Variants in CDKN1C observed in about 807,000 individuals in gnomAD.
CDKN1C encodes cyclin-dependent kinase inhibitor 1C.
CDKN1C carries 7 observed loss-of-function variants against 16.5 expected under a neutral mutation model. The observed-to-expected ratio is 0.42, with a 90% CI of 0.24 to 0.80. The LOEUF (loss-of-function observed/expected upper bound fraction) is 0.80. CDKN1C is among the 30% of genes least tolerant of loss of function. The pLI, the probability that CDKN1C is intolerant of heterozygous loss-of-function variation, is 0.26. For synonymous variants in CDKN1C, 288 were observed against 214.4 expected (o/e 1.34, Z -3.00); for missense variants, 429 against 437.3 (o/e 0.98, Z 0.17).
chr11:2,884,960 ACCGCGACCGCGACCGGAG>A lies in CDKN1C; in HGVS notation c.479_496del (p.Ala160_Ala165del), dbSNP rs1064792992. 1 of 1,003,096 alleles carries A rather than the reference ACCGCGACCGCGACCGGAG, an allele frequency of 1.0e-6. No homozygotes were observed. 62.1% of individuals were successfully genotyped at this position (1,003,096 alleles called of 1,614,324 possible). On this transcript the variant is annotated inframe_deletion, in exon 2 of 4. Coordinates refer to ENST00000440480, the MANE Select transcript of CDKN1C (RefSeq NM_001122630.2). ...AGCCGGGGCCGGGGCCGGGGCCAGG[ACCGCGACCGCGACCGGAG>A]CCGCGACCGGAGCCGCGACCGGAGC...
rs775458829 is a variant in CDKN1C, at chr11:2,884,704, C to A, written c.753G>T (p.Ala251=). The A allele has an allele frequency of 1.3e-6, 2 of 1,492,892 alleles. No homozygotes were observed. The highest frequency in any genetic ancestry group is 2.1e-5 in the Admixed American group (1 of 48,166). The allele number at this position is 1,492,892 out of a possible 1,614,324, so 92.5% of individuals were successfully genotyped here. The change falls in exon 2 of 4, where the codon GCG becomes GCT. Residue 251 remains alanine, a synonymous_variant. Transcript: ENST00000440480. ...AGTAAASANG[A]AIKKLSGPLI... ...GAGGCCCGGACAGCTTCTTGATCGCCGCGCCGTTGGCGCTGGCGGCCGCGG... is the reference window on the plus strand; with the variant it reads ...GAGGCCCGGACAGCTTCTTGATCGCAGCGCCGTTGGCGCTGGCGGCCGCGG...
rs2133784827 is a variant in CDKN1C, at chr11:2,885,065, G to A, written c.392C>T (p.Pro131Leu). The A allele has an allele frequency of 1.5e-6, 2 of 1,357,340 alleles. No homozygotes were observed. The highest frequency in any genetic ancestry group is 1.8e-5 in the South Asian group (1 of 55,762). The allele number at this position is 1,357,340 out of a possible 1,614,324, so 84.1% of individuals were successfully genotyped here. The change falls in exon 2 of 4, where the codon CCG (proline) becomes CTG (leucine). Residue 131 changes from proline (P) to leucine (L), a missense_variant. Transcript: ENST00000440480. ...APEQLPSVPV[P>L]APASTPPPVP... ...TGGGGGCGGGGTGGACGCCGGGGCCGGGACCGGGACACTAGGCAGCTGCTC... is the reference window on the plus strand; with the variant it reads ...TGGGGGCGGGGTGGACGCCGGGGCCAGGACCGGGACACTAGGCAGCTGCTC...
rs1564929680 is a variant in CDKN1C, at chr11:2,884,864, G to C, written c.593C>G (p.Ala198Gly). The change falls in exon 2 of 4, where the codon GCC (alanine) becomes GGC (glycine). Residue 198 changes from alanine to glycine, a missense_variant. By Grantham distance (60) the Ala-to-Gly change is moderately conservative (BLOSUM62 0). Coordinates refer to ENST00000440480, the MANE Select transcript of CDKN1C (RefSeq NM_001122630.2). ...GTCCGGGGCCGGGGCCGGGGCGGGG[G>C]CCGGGGCCGGGGCCGGGGCCGGGGC... The part of the protein sequence containing the change: ...APAPAPAPAP[A>G]PAPAPAPDAA... 2 of 779,126 alleles carry C rather than the reference G, an allele frequency of 2.6e-6. No homozygotes were observed. Among genetic ancestry groups the C allele is most frequent in the Non-Finnish European group, 3.1e-6 (2 of 635,170 alleles). The allele number at this position is 779,126 out of a possible 1,614,324, so 48.3% of individuals were successfully genotyped here. A position where few individuals can be genotyped will look rare whatever the true frequency, so the allele number is the denominator to read the frequency against.
Position 2,884,729 on chromosome 11 carries a change from G to A in CDKN1C, c.728C>T (p.Thr243Ile), listed in dbSNP as rs1247486281. The change falls in exon 2 of 4, where the codon ACC (threonine) becomes ATC (isoleucine). Residue 243 changes from threonine to isoleucine, a missense_variant. Physicochemically the swap from Thr to Ile is moderately conservative, Grantham distance 89. Coordinates refer to ENST00000440480, the MANE Select transcript of CDKN1C (RefSeq NM_001122630.2). ...SGISGRPAAG[T>I]AAASANGAAI... ...CGCGCCGTTGGCGCTGGCGGCCGCG[G>A]TGCCGGCCGCGGGACGTCCCGAAAT... 2.7e-6 allele frequency: 4 copies of A among 1,507,902 alleles called. No homozygotes were observed. Among genetic ancestry groups the A allele is most frequent in the Non-Finnish European group, 3.5e-6 (4 of 1,132,524 alleles). The allele number at this position is 1,507,902 out of a possible 1,614,324, so 93.4% of individuals were successfully genotyped here.
Position 2,883,825 on chromosome 11 carries a change from T to A in CDKN1C, c.*96A>T, listed in dbSNP as rs1848861835. On this transcript the variant is annotated 3_prime_UTR_variant, in exon 4 of 4. Transcript: ENST00000440480. ...CTGCTCTGCGGCAGCCGCCGCCGGT[T>A]GCTGCTACATGAACGGTCCCAGCCG... is the stretch of plus-strand genomic sequence containing the variant. The A allele has an allele frequency of 3.3e-6, 5 of 1,528,538 alleles. No individual in the cohort carries two copies. The highest frequency in any genetic ancestry group is 3.5e-6 in the Non-Finnish European group (4 of 1,141,448). 94.7% of individuals were successfully genotyped at this position (1,528,538 alleles called of 1,614,324 possible). A position where few individuals can be genotyped will look rare whatever the true frequency, so the allele number is the denominator to read the frequency against.
At chr11:2,884,518 G>T (rs1342673408) in intron 2 of CDKN1C, 152 bp downstream of exon 2, 8 of 387,180 alleles carry the variant, frequency 2.1e-5, no homozygotes, top group Non-Finnish European at 3.5e-5. Flanking sequence ...GCGGGGAGGG[G>T]GGTAAGGGCG....
chr11:2,884,802 G>C lies in CDKN1C; in HGVS notation c.655C>G (p.Gln219Glu). 9 of 1,464,020 alleles carry C rather than the reference G, an allele frequency of 6.1e-6. No homozygotes were observed. The highest frequency in any genetic ancestry group is 8.1e-6 in the Non-Finnish European group (9 of 1,106,228). The allele number at this position is 1,464,020 out of a possible 1,614,324, so 90.7% of individuals were successfully genotyped here. Residue 219 changes from glutamine (Q) to glutamate (E), a missense_variant, in exon 2 of 4, where the codon CAG (glutamine) becomes GAG (glutamate). Coordinates refer to ENST00000440480, the MANE Select transcript of CDKN1C (RefSeq NM_001122630.2). The part of the protein sequence containing the change: ...PQESAEQGAN[Q>E]GQRGQEPLAD... Reference sequence around the variant, plus strand: ...AGAGGCTCCTGGCCGCGCTGCCCCTGGTTCGCGCCCTGCTCGGCGCTCTCT... The same window carrying C: ...AGAGGCTCCTGGCCGCGCTGCCCCTCGTTCGCGCCCTGCTCGGCGCTCTCT...
chr11:2,883,562 A>AGTAT lies in CDKN1C; in HGVS notation c.*355_*358dup, dbSNP rs1848852147. The stretch of plus-strand genomic sequence containing the variant: ...TGGACATAAATAGAAAATATAAGTT[A>AGTAT]GTATAACTTTAAAAACTTTTTGTAC... On this transcript the variant is annotated 3_prime_UTR_variant, in exon 4 of 4. Coordinates refer to ENST00000440480, the MANE Select transcript of CDKN1C (RefSeq NM_001122630.2). 2.4e-6 allele frequency: 1 copy of AGTAT among 414,312 alleles called. No homozygotes were observed. Among genetic ancestry groups the AGTAT allele is most frequent in the African/African-American group, 2.1e-5 (1 of 48,364 alleles). The allele number at this position is 414,312 out of a possible 1,614,324, so 25.7% of individuals were successfully genotyped here. A position where few individuals can be genotyped will look rare whatever the true frequency, so the allele number is the denominator to read the frequency against.
chr11:2,885,610 G>T, intron 1 of CDKN1C, 24 bp downstream of exon 1: 3 of 1,252,166 alleles, frequency 2.4e-6, no homozygotes, highest in Non-Finnish European at 3.3e-6. Flanking sequence ...CCGACTCTGC[G>T]TGTGCGAGGG....
At position 2,885,313 on chromosome 11, in the gene CDKN1C, G is replaced by A; in HGVS notation, c.144C>T (p.Asn48=). The A allele has an allele frequency of 6.3e-7, 1 of 1,599,912 alleles. No homozygotes were observed. Among genetic ancestry groups the A allele is most frequent in the South Asian group, 1.1e-5 (1 of 88,916 alleles). The stretch of plus-strand genomic sequence containing the variant: ...CCTGCTGGAAGTCGTAATCCCAGCG[G>A]TTCTGGTCCTCGGCGTTCAGCTCGG... ...RLAELNAEDQ[N]RWDYDFQQDM... Residue 48 remains asparagine (N), a synonymous_variant, in exon 2 of 4, where the codon AAC becomes AAT. Coordinates refer to ENST00000440480, the MANE Select transcript of CDKN1C (RefSeq NM_001122630.2).
intron 1 of CDKN1C, 74 bp from the exon 2 acceptor site, chr11:2,885,540 A>G: frequency 6.5e-7 from 1 of 1,534,450 alleles, no homozygotes; most frequent in Non-Finnish European, 8.7e-7. Flanking sequence ...GACAGCGAGA[A>G]GAAGGGGAAA....
Position 2,884,846 on chromosome 11 carries a change from G to A in CDKN1C, c.611C>T (p.Ala204Val), listed in dbSNP as rs1060500176. The change falls in exon 2 of 4, where the codon GCC becomes GTC. Residue 204 changes from alanine (A) to valine (V), a missense_variant. Coordinates refer to ENST00000440480, the MANE Select transcript of CDKN1C (RefSeq NM_001122630.2). ...APAPAPAPAPAPDAAPQESAE... is the reference protein window; with the variant it reads ...APAPAPAPAPVPDAAPQESAE... The stretch of plus-strand genomic sequence containing the variant: ...GCTCTCTTGAGGCGCCGCGTCCGGG[G>A]CCGGGGCCGGGGCGGGGGCCGGGGC... 8.7e-7 allele frequency: 1 copy of A among 1,151,906 alleles called. No individual in the cohort carries two copies. The highest frequency in any genetic ancestry group is 1.1e-6 in the Non-Finnish European group (1 of 934,346). 71.4% of individuals were successfully genotyped at this position (1,151,906 alleles called of 1,614,324 possible).
chr11:2,883,920 G>A lies in CDKN1C; in HGVS notation c.*6-5C>T, dbSNP rs1484907597. 3 of 1,589,928 alleles carry A rather than the reference G, an allele frequency of 1.9e-6. No individual in the cohort carries two copies. Among genetic ancestry groups the A allele is most frequent in the Non-Finnish European group, 2.6e-6 (3 of 1,169,090 alleles). The stretch of plus-strand genomic sequence containing the variant: ...CGGGGCTCTTTGGGCTCTAAACTGC[G>A]AGGAGAGGGGCGGTCAGCAAAGCCG... On this transcript the variant is annotated splice_polypyrimidine_tract_variant and splice_region_variant and intron_variant, in intron 3 of 3. Coordinates refer to ENST00000440480, the MANE Select transcript of CDKN1C (RefSeq NM_001122630.2).
In CDKN1C at chr11:2,884,908, T is replaced by TGGAGCCGGGGCCGGAGCCGGAGCC. The variant is rs878853630; in HGVS notation, c.525_548dup (p.Ala176_Pro183dup). 9.1e-6 allele frequency: 7 copies of TGGAGCCGGGGCCGGAGCCGGAGCC among 770,014 alleles called. No homozygotes were observed. The highest frequency in any genetic ancestry group is 7.8e-6 in the Non-Finnish European group (5 of 638,076). 47.7% of individuals were successfully genotyped at this position (770,014 alleles called of 1,614,324 possible). A position where few individuals can be genotyped will look rare whatever the true frequency, so the allele number is the denominator to read the frequency against. On this transcript the variant is annotated inframe_insertion, in exon 2 of 4. Coordinates refer to ENST00000440480, the MANE Select transcript of CDKN1C (RefSeq NM_001122630.2). The stretch of plus-strand genomic sequence containing the variant: ...CCGGGGCTGGGGCCGGGGCCGCGAC[T>TGGAGCCGGGGCCGGAGCCGGAGCC]GGAGCCGGGGCCGGAGCCGGAGCCG...
intron 2 of CDKN1C, 88 bp from the exon 3 acceptor site, chr11:2,884,222 G>C (rs1848889998): frequency 9.5e-7 from 1 of 1,057,262 alleles, no homozygotes; most frequent in African/African-American, 1.7e-5. Flanking sequence ...GGCGCGGGCC[G>C]GCCGGGGTGG....
Position 2,883,667 on chromosome 11 carries a change from C to A in CDKN1C, c.*254G>T. 1 of 761,080 alleles carries A rather than the reference C, an allele frequency of 1.3e-6. No individual in the cohort carries two copies. The highest frequency in any genetic ancestry group is 1.8e-6 in the Non-Finnish European group (1 of 549,582). The allele number at this position is 761,080 out of a possible 1,614,324, so 47.1% of individuals were successfully genotyped here. A position where few individuals can be genotyped will look rare whatever the true frequency, so the allele number is the denominator to read the frequency against. ...GCACTGAGTTTCAGCAGAGATTAAA[C>A]ATTTTATATAAATGACTCTTAAAGC... On this transcript the variant is annotated 3_prime_UTR_variant, in exon 4 of 4. Transcript: ENST00000440480.
Position 2,884,952 on chromosome 11 carries a change from G to A in CDKN1C, c.505C>T (p.Pro169Ser). The A allele has an allele frequency of 9.7e-7, 1 of 1,031,700 alleles. No homozygotes were observed. Among genetic ancestry groups the A allele is most frequent in the Non-Finnish European group, 1.2e-6 (1 of 825,896 alleles). 63.9% of individuals were successfully genotyped at this position (1,031,700 alleles called of 1,614,324 possible). A position where few individuals can be genotyped will look rare whatever the true frequency, so the allele number is the denominator to read the frequency against. The change falls in exon 2 of 4, where the codon CCG (proline) becomes TCG (serine). Residue 169 changes from proline (P) to serine (S), a missense_variant. Physicochemically the swap from Pro to Ser is moderately conservative, Grantham distance 74 (BLOSUM62 -1). Coordinates refer to ENST00000440480, the MANE Select transcript of CDKN1C (RefSeq NM_001122630.2). Reference protein sequence around the residue: ...AAPVAVAVLAPAPAPAPAPAP... With the variant: ...AAPVAVAVLASAPAPAPAPAP... ...GGAGCCGGAGCCGGGGCCGGGGCCG[G>A]GGCCAGGACCGCGACCGCGACCGGA...
In CDKN1C at chr11:2,884,741, G is replaced by A. The variant is rs753022994; in HGVS notation, c.716C>T (p.Pro239Leu). Residue 239 changes from proline to leucine, a missense_variant, in exon 2 of 4, where the codon CCC (proline) becomes CTC (leucine). Transcript: ENST00000440480. Reference protein sequence around the residue: ...DQLHSGISGRPAAGTAAASAN... With the variant: ...DQLHSGISGRLAAGTAAASAN... The stretch of plus-strand genomic sequence containing the variant: ...GCTGGCGGCCGCGGTGCCGGCCGCG[G>A]GACGTCCCGAAATCCCCGAGTGCAG... 3.3e-6 allele frequency: 5 copies of A among 1,510,120 alleles called. No individual in the cohort carries two copies. Among genetic ancestry groups the A allele is most frequent in the Admixed American group, 2.0e-5 (1 of 50,984 alleles). The allele number at this position is 1,510,120 out of a possible 1,614,324, so 93.5% of individuals were successfully genotyped here. A position where few individuals can be genotyped will look rare whatever the true frequency, so the allele number is the denominator to read the frequency against.
chr11:2,885,549 AAGGAGAGG>A, intron 1 of CDKN1C, 77 bp downstream of exon 1: 1 of 1,531,260 alleles, frequency 6.5e-7, no homozygotes, highest in Non-Finnish European at 8.7e-7. Context: ...AAGAAGGGGA[AAGGAGAGG>A]AGGAGAGGGC....
Sources: gnomAD v4.1 joint callset for allele counts on GRCh38, gnomAD v4.1.1 for gene constraint, MANE v1.5 for transcripts, NCBI Gene and HGNC (gene_info 2026-07-23, HGNC 2026-07-21) for gene names.